The following BANP variants were observed in gnomAD, a reference collection of about 807,000 sequenced individuals.
The protein encoded by BANP is protein BANP.
A neutral mutation model predicts 68.1 loss-of-function variants in BANP; 11 were observed. That is an observed-to-expected ratio of 0.16 (90% CI 0.10 to 0.27). The LOEUF (loss-of-function observed/expected upper bound fraction) is 0.27. BANP is among the 10% of genes least tolerant of loss of function. The probability of loss-of-function intolerance (pLI) is 1.00; values close to 1 mark genes in which losing one functional copy is unlikely to be tolerated. For missense variants in BANP, 504 were observed against 722.7 expected, an observed-to-expected ratio of 0.70 and a Z score of 3.47; for synonymous variants, 329 against 303.2, an observed-to-expected ratio of 1.09 and a Z score of -0.88.
intron 11 of BANP, among the ~76,000 whole-genome samples, chr16:88,049,432 C>G (rs1232454348): frequency 2.0e-5 from 3 of 152,188 alleles, no homozygotes; most frequent in African/African-American, 7.2e-5. Flanking sequence ...GCTGGACCAG[C>G]TGCCTGGAAG....
At position 88,057,491 on chromosome 16, in the gene BANP, G is replaced by A. The variant is rs138985255; in HGVS notation, c.1312-7776G>A. ...GCGGTCCCCTCCACGTGTTCACCTCGTCAGAGTCAAGAAACGAGGAGTGAA... is the reference window on the plus strand; with the variant it reads ...GCGGTCCCCTCCACGTGTTCACCTCATCAGAGTCAAGAAACGAGGAGTGAA... On this transcript the variant is annotated intron_variant, in intron 11 of 13. Coordinates refer to ENST00000682872, the MANE Select transcript of BANP (RefSeq NM_001386991.1). This position sits in a 1 kb window ranked among gnomAD's most constrained non-coding sequence, Gnocchi z 4.6. Among the ~76,000 whole-genome samples, 5 of 152,200 alleles carry A rather than the reference G, an allele frequency of 3.3e-5. No individual in the cohort carries two copies. Among genetic ancestry groups the A allele is most frequent in the African/African-American group, 7.2e-5 (3 of 41,508 alleles).
intron 1 of BANP, among the ~76,000 whole-genome samples, chr16:87,973,499 G>A (rs1287805833): frequency 3.3e-5 from 5 of 152,088 alleles, no homozygotes; most frequent in South Asian, 2.1e-4. Flanking sequence ...GGTGGCTCAC[G>A]CCTGTAATCC....
At chr16:87,974,346 T>G (rs999661326) in intron 1 of BANP, among the ~76,000 whole-genome samples, 1 of 152,168 alleles carries the variant, frequency 6.6e-6, no homozygotes. Flanking sequence ...TGACTGTGTT[T>G]CAGACACTGT....
intron 1 of BANP, chr16:87,966,840 C>G (rs1018155770): frequency 6.6e-6 from 1 of 152,356 alleles, no homozygotes; most frequent in South Asian, 2.1e-4. Context: ...CTGTTTTGAA[C>G]CAGGTAGTTG....
chr16:88,065,569 C>T (rs779029463), intron 12 of BANP, among the ~76,000 whole-genome samples: 7 of 152,174 alleles, frequency 4.6e-5, no homozygotes, highest in African/African-American at 9.7e-5. Context: ...CTGCCCAGCA[C>T]AGCGAGCTGG....
chr16:87,977,760 T>C (rs1164274811), intron 2 of BANP, among the ~76,000 whole-genome samples: 2 of 152,258 alleles, frequency 1.3e-5, no homozygotes, highest in African/African-American at 2.4e-5. Context: ...GTACCAACTA[T>C]GGCTTGCGCT....
At chr16:87,964,612 G>C (rs543228223) in intron 1 of BANP, among the ~76,000 whole-genome samples, 3 of 152,298 alleles carry the variant, frequency 2.0e-5, no homozygotes, top group Admixed American at 6.5e-5. Flanking sequence ...GGAGGGCTTA[G>C]AGCAGATGAG....
Position 87,975,086 on chromosome 16 carries a change from C to CA in BANP, c.-30_-29insA. On this transcript the variant is annotated 5_prime_UTR_variant, in exon 2 of 14. Coordinates refer to ENST00000682872, the MANE Select transcript of BANP (RefSeq NM_001386991.1). The stretch of plus-strand genomic sequence containing the variant: ...AGCCCCACTGTGAGTTGAACTCTTT[C>CA]GTGTTGACCGGCCACTCTCCGTGCT... 1.9e-6 allele frequency: 3 copies of CA among 1,591,302 alleles called. No individual in the cohort carries two copies. The highest frequency in any genetic ancestry group is 2.6e-6 in the Non-Finnish European group (3 of 1,163,078).
chr16:87,973,768 A>AGAAAG (rs1555544111), intron 1 of BANP, among the ~76,000 whole-genome samples: 2,193 of 104,936 alleles, frequency 0.021, 91 homozygotes, highest in African/African-American at 0.06. Context: ...AAAAAAAAAA[A>AGAAAG]AAAAAAGAAA....
chr16:88,047,364 G>A (rs2082267923), intron 11 of BANP, among the ~76,000 whole-genome samples: 2 of 152,192 alleles, frequency 1.3e-5, no homozygotes, highest in Admixed American at 6.5e-5. Flanking sequence ...TAGTGAGAGT[G>A]TCAGTCAAGG....
intron 1 of BANP, chr16:87,956,906 G>A (rs1443402357): frequency 6.6e-6 from 1 of 152,198 alleles, no homozygotes; most frequent in Admixed American, 6.5e-5. Context: ...CCCCCTCTCA[G>A]GGGTGCCGTA....
rs374037935 is a variant in BANP at position 87,975,088 on chromosome 16, T to C, written c.-28T>C. 1.3e-6 allele frequency: 2 copies of C among 1,592,708 alleles called. No homozygotes were observed. Among genetic ancestry groups the C allele is most frequent in the East Asian group, 2.2e-5 (1 of 44,824 alleles). On this transcript the variant is annotated 5_prime_UTR_variant, in exon 2 of 14. Transcript: ENST00000682872. ...CCCCACTGTGAGTTGAACTCTTTCG[T>C]GTTGACCGGCCACTCTCCGTGCTCT...
intron 1 of BANP, among the ~76,000 whole-genome samples, chr16:87,968,416 A>G (rs12933782): frequency 0.64 from 95,045 of 149,434 alleles, 30,621 homozygotes; most frequent in Admixed American, 0.67. Context: ...CCCAGGAGGC[A>G]GAGGTTGCGG....
chr16:88,012,954 A>G (rs1436843791), intron 6 of BANP, among the ~76,000 whole-genome samples: 1 of 152,042 alleles, frequency 6.6e-6, no homozygotes, highest in African/African-American at 2.4e-5. Context: ...GACAGTAGGG[A>G]ATTCTGAATA....
chr16:87,974,657 G>A (rs1175954418), intron 1 of BANP, among the ~76,000 whole-genome samples: 1 of 152,142 alleles, frequency 6.6e-6, no homozygotes, highest in African/African-American at 2.4e-5. Context: ...GGTGAGTGTA[G>A]CAGGGCTGAG....
chr16:88,005,283 G>A lies in BANP; in HGVS notation c.480-807G>A, dbSNP rs2070679206. 2.6e-5 allele frequency among the ~76,000 whole-genome samples: 4 copies of A among 152,178 alleles called. No homozygotes were observed. In the South Asian group the frequency reaches 8.3e-4, roughly 31 times the overall value. On this transcript the variant is annotated intron_variant, in intron 5 of 13. Coordinates refer to ENST00000682872, the MANE Select transcript of BANP (RefSeq NM_001386991.1). ...CCAGTGTTGAGATCAGGTTCAGCGT[G>A]GACAGCGCTCTAGAGAATCCAGGCC...
chr16:87,993,696 CA>C (rs2066466660), intron 4 of BANP, among the ~76,000 whole-genome samples: 1 of 151,920 alleles, frequency 6.6e-6, no homozygotes, highest in East Asian at 1.9e-4. Flanking sequence ...CTCCTGGGTT[CA>C]AGCAATTCTT....
At chr16:87,994,051 C>G (rs1209192695) in intron 4 of BANP, among the ~76,000 whole-genome samples, 1 of 152,118 alleles carries the variant, frequency 6.6e-6, no homozygotes, top group Non-Finnish European at 1.5e-5. Context: ...GCGTTAGAGA[C>G]CAGGATGCGG....
chr16:88,016,687 G>A (rs147309307), intron 6 of BANP, among the ~76,000 whole-genome samples: 13 of 152,328 alleles, frequency 8.5e-5, no homozygotes, highest in African/African-American at 3.1e-4. Flanking sequence ...CTTGCCATGA[G>A]ACTCCACCCA....
Sources: allele counts gnomAD v4.1 joint callset (sites outside exome capture counted in the v4.1 genomes callset), GRCh38; gene constraint gnomAD v4.1.1; non-coding constraint Gnocchi (gnomAD v3.1); transcripts MANE v1.5; gene names NCBI Gene and HGNC (gene_info 2026-07-23, HGNC 2026-07-21).